The following DCAF6 variants were observed in gnomAD, a reference collection of about 807,000 sequenced individuals.
DCAF6 encodes DDB1- and CUL4-associated factor 6.
In DCAF6, 54 loss-of-function variants were observed where a neutral mutation model predicts 125.1. The ratio of observed to expected loss-of-function variants is 0.43; its 90% CI spans 0.35 to 0.54. The LOEUF (loss-of-function observed/expected upper bound fraction) is 0.54, where lower values mean the gene tolerates loss of function less well. Ranked by LOEUF, DCAF6 falls within the 20% of genes least tolerant of loss-of-function variation. DCAF6 has a pLI of 0.01. For synonymous variants in DCAF6, 371 were observed against 390.4 expected (o/e 0.95, Z 0.58); for missense variants, 934 against 1,161.7 (o/e 0.80, Z 2.85).
chr1:167,893,295 G>C, the DCAF6 span, among the ~76,000 whole-genome samples: 4 of 152,124 alleles, frequency 2.6e-5, no homozygotes, highest in Admixed American at 2.6e-4. Context: ...GCTCCCATTT[G>C]CGCAATTATA....
chr1:168,043,152 T>C lies in DCAF6; in HGVS notation c.1843+12T>C. On this transcript the variant is annotated intron_variant, in intron 14 of 21. Transcript: ENST00000367840. ...AGACAGTGAAACAAGTAAGGTGTTA[T>C]TTTGCTTTTGTTGTTATAAAATTGC... The C allele has an allele frequency of 2.5e-6, 4 of 1,596,314 alleles. No homozygotes were observed. The highest frequency in any genetic ancestry group is 2.2e-5 in the East Asian group (1 of 44,754).
At chr1:167,995,552 C>T (rs1449914354) in intron 7 of DCAF6, among the ~76,000 whole-genome samples, 2 of 151,580 alleles carry the variant, frequency 1.3e-5, no homozygotes, top group Admixed American at 6.6e-5. Flanking sequence ...TGGTGGCAGG[C>T]GCCTGTAATC....
intron 12 of DCAF6, among the ~76,000 whole-genome samples, chr1:168,036,575 T>C (rs1283313570): frequency 2.0e-5 from 3 of 152,192 alleles, no homozygotes; most frequent in Non-Finnish European, 2.9e-5. Flanking sequence ...ACAGCAGTGA[T>C]GAAACAAAAA....
At chr1:167,988,098 G>T (rs1680272093) in intron 5 of DCAF6, among the ~76,000 whole-genome samples, 1 of 151,924 alleles carries the variant, frequency 6.6e-6, no homozygotes, top group Non-Finnish European at 1.5e-5. Context: ...TTCAAATTTA[G>T]CCCACTTTCC....
chr1:168,074,280 C>T (rs1693536116), intron 21 of DCAF6, among the ~76,000 whole-genome samples: 2 of 151,644 alleles, frequency 1.3e-5, no homozygotes, highest in South Asian at 4.2e-4. Context: ...TCTCAGGATT[C>T]AGTCTTCTCT....
intron 7 of DCAF6, among the ~76,000 whole-genome samples, chr1:167,996,814 T>C (rs1039805607): frequency 3.9e-5 from 6 of 152,234 alleles, no homozygotes; most frequent in African/African-American, 1.4e-4. Flanking sequence ...TGCTCTTCCC[T>C]GGATACCTGG....
chr1:167,864,982 T>C, the DCAF6 span, among the ~76,000 whole-genome samples: 6 of 144,746 alleles, frequency 4.1e-5, no homozygotes, highest in African/African-American at 1.7e-4. Context: ...ATAAATTAAC[T>C]GTTGTTTAAA....
chr1:167,882,501 A>G, the DCAF6 span, among the ~76,000 whole-genome samples: 1 of 151,776 alleles, frequency 6.6e-6, no homozygotes. Flanking sequence ...AAAAAAAAAA[A>G]AAAGAACAGA....
chr1:167,874,535 A>G, the DCAF6 span, among the ~76,000 whole-genome samples: 4 of 152,244 alleles, frequency 2.6e-5, no homozygotes, highest in African/African-American at 9.6e-5. Flanking sequence ...CTCAGTCAGA[A>G]TATAAATAAA....
intron 1 of DCAF6, among the ~76,000 whole-genome samples, chr1:167,945,092 T>C (rs1672855121): frequency 1.3e-5 from 2 of 152,346 alleles, no homozygotes; most frequent in South Asian, 2.1e-4. Flanking sequence ...GTCTTATTTT[T>C]ATACCAGTAA....
chr1:168,057,399 T>C (rs1037378327), intron 17 of DCAF6, among the ~76,000 whole-genome samples: 2 of 152,224 alleles, frequency 1.3e-5, no homozygotes, highest in Admixed American at 6.5e-5. Flanking sequence ...TTCTGGAATA[T>C]GCAATAGTAA....
At chr1:168,037,145 G>C (rs1487017389) in intron 12 of DCAF6, among the ~76,000 whole-genome samples, 2 of 133,456 alleles carry the variant, frequency 1.5e-5, no homozygotes, top group African/African-American at 2.9e-5. Flanking sequence ...ACCCAGACTC[G>C]ACTCGAACTC....
chr1:167,981,108 T>C (rs1346199600), intron 4 of DCAF6, among the ~76,000 whole-genome samples: 1 of 151,930 alleles, frequency 6.6e-6, no homozygotes, highest in East Asian at 1.9e-4. Flanking sequence ...GGTTTCACCG[T>C]GTTGCCCAGT....
chr1:167,925,146 A>G, the DCAF6 span, among the ~76,000 whole-genome samples: 1 of 152,032 alleles, frequency 6.6e-6, no homozygotes, highest in Non-Finnish European at 1.5e-5. Context: ...GTCCCTCTCG[A>G]ATTCACAGTA....
At chr1:168,050,650 G>A (rs532748507) in intron 16 of DCAF6, among the ~76,000 whole-genome samples, 65 of 152,208 alleles carry the variant, frequency 4.3e-4, no homozygotes, top group African/African-American at 1.5e-3. Context: ...AAGATAAAAG[G>A]GATTAAGTGC....
At chr1:167,960,801 C>CCCTT (rs1301595284) in intron 2 of DCAF6, among the ~76,000 whole-genome samples, 2 of 152,134 alleles carry the variant, frequency 1.3e-5, no homozygotes, top group Non-Finnish European at 2.9e-5. Flanking sequence ...TTGTTCTTCT[C>CCCTT]CCTTAATATG....
intron 1 of DCAF6, among the ~76,000 whole-genome samples, chr1:167,947,354 T>C (rs1295015963): frequency 1.3e-5 from 2 of 151,914 alleles, no homozygotes; most frequent in African/African-American, 4.8e-5. Context: ...GTTTTTTTTT[T>C]CAGTCCATAT....
chr1:167,890,861 T>C, the DCAF6 span, among the ~76,000 whole-genome samples: 1 of 152,200 alleles, frequency 6.6e-6, no homozygotes, highest in Non-Finnish European at 1.5e-5. Context: ...AGATAACTGA[T>C]GTATGGAGAA....
At chr1:167,938,469 C>G (rs2102601671) in intron 1 of DCAF6, among the ~76,000 whole-genome samples, 1 of 152,300 alleles carries the variant, frequency 6.6e-6, no homozygotes, top group South Asian at 2.1e-4. Context: ...TTCGCCCTTA[C>G]AGCATTTTAA....
Sources: allele counts gnomAD v4.1 joint callset (sites outside exome capture counted in the v4.1 genomes callset), GRCh38; gene constraint gnomAD v4.1.1; transcripts MANE v1.5; gene names NCBI Gene and HGNC (gene_info 2026-07-23, HGNC 2026-07-21).